TULP4: variants seen among roughly 807,000 people sequenced by gnomAD.
The protein encoded by TULP4 is tubby-related protein 4.
In TULP4, 16 loss-of-function variants were observed where a neutral mutation model predicts 129.0. The ratio of observed to expected loss-of-function variants is 0.12; its 90% CI spans 0.08 to 0.19. The LOEUF is 0.19. Ranked by LOEUF, TULP4 falls within the 10% of genes least tolerant of loss-of-function variation. The probability of loss-of-function intolerance (pLI) is 1.00; values close to 1 mark genes in which losing one functional copy is unlikely to be tolerated. For synonymous variants in TULP4, 998 were observed against 854.0 expected, an observed-to-expected ratio of 1.17 and a Z score of -2.94; for missense variants, 1,842 against 2,059.1, an observed-to-expected ratio of 0.89 and a Z score of 2.04.
upstream of TULP4, among the ~76,000 whole-genome samples, chr6:158,281,165 CTCAGCGAGGTA>C (rs1212336265): frequency 3.4e-3 from 519 of 151,754 alleles, 5 homozygotes; most frequent in African/African-American, 0.012. Flanking sequence ...TTACTGGTAT[CTCAGCGAGGTA>C]ATTCAGACTT....
chr6:158,294,926 T>C (rs916997971), intron 1 of TULP4, among the ~76,000 whole-genome samples: 2 of 152,118 alleles, frequency 1.3e-5, no homozygotes, highest in African/African-American at 4.8e-5. Context: ...TTTTGCTATG[T>C]TGCCCAGGTC....
intron 1 of TULP4, among the ~76,000 whole-genome samples, chr6:158,332,705 A>G (rs1411283184): frequency 6.6e-6 from 1 of 152,172 alleles, no homozygotes; most frequent in African/African-American, 2.4e-5. Context: ...GCTATTGGAT[A>G]GGCGGACTTT....
intron 1 of TULP4, among the ~76,000 whole-genome samples, chr6:158,349,276 T>C: frequency 8.2e-6 from 1 of 122,064 alleles, no homozygotes. Context: ...GCTCCTCACC[T>C]CCCAGATGGG....
intron 2 of TULP4, among the ~76,000 whole-genome samples, chr6:158,417,684 G>C (rs1345141461): frequency 6.6e-6 from 1 of 152,158 alleles, no homozygotes; most frequent in African/African-American, 2.4e-5. Context: ...GCTTAGAAGA[G>C]GAGTGTCCTT....
chr6:158,497,013 G>C (rs1000293768), intron 11 of TULP4, among the ~76,000 whole-genome samples: 1 of 152,170 alleles, frequency 6.6e-6, no homozygotes, highest in African/African-American at 2.4e-5. Context: ...ACCATGCCCA[G>C]CTAATTTTTT....
intron 11 of TULP4, among the ~76,000 whole-genome samples, chr6:158,497,560 C>T (rs1306189904): frequency 1.3e-5 from 2 of 152,182 alleles, no homozygotes; most frequent in African/African-American, 4.8e-5. Flanking sequence ...TTTCTAATCC[C>T]TCCTAGAATT....
rs147819544 is a variant in TULP4, at chr6:158,431,389, T to G, written c.543+1492T>G. On this transcript the variant is annotated intron_variant, in intron 3 of 13. Transcript: ENST00000367097. ...CTTCACATTCTTCCCTCGCCTAGAGTGATGGAACCCATGAGCCATCTGTGA... is the reference window on the plus strand; with the variant it reads ...CTTCACATTCTTCCCTCGCCTAGAGGGATGGAACCCATGAGCCATCTGTGA... Among the ~76,000 whole-genome samples the G allele has an allele frequency of 3.7e-3, 563 of 152,052 alleles. 3 individuals carry two copies. The highest frequency in any genetic ancestry group is 0.013 in the African/African-American group (533 of 41,458).
chr6:158,332,182 AAAAAAAAAAAAAAAAAAAATATATATAT>A (rs751788150), intron 1 of TULP4, among the ~76,000 whole-genome samples: 23,266 of 85,746 alleles, frequency 0.27, 2,392 homozygotes, highest in South Asian at 0.38. Flanking sequence ...AAAAAAAAAA[AAAAAAAAAAAAAAAAAAAATATATATAT>A]ATATATATAT....
intron 6 of TULP4, among the ~76,000 whole-genome samples, chr6:158,476,313 C>T (rs1779818988): frequency 6.6e-6 from 1 of 152,186 alleles, no homozygotes; most frequent in African/African-American, 2.4e-5. Flanking sequence ...TGTTGGTGTT[C>T]TTGTCCCATT....
chr6:158,449,241 T>C, intron 4 of TULP4, 65 bp downstream of exon 4: 1 of 1,496,898 alleles, frequency 6.7e-7, no homozygotes, highest in Middle Eastern at 1.8e-4. Flanking sequence ...CGGAGCAGAG[T>C]AGACTGATGT....
At chr6:158,340,594 C>T (rs1780157960) in intron 1 of TULP4, among the ~76,000 whole-genome samples, 2 of 152,150 alleles carry the variant, frequency 1.3e-5, no homozygotes, top group Admixed American at 6.5e-5. Flanking sequence ...TTCTGATGTC[C>T]TTCCCTAGCC....
intron 1 of TULP4, among the ~76,000 whole-genome samples, chr6:158,397,074 C>T (rs1437875927): frequency 6.6e-6 from 1 of 152,158 alleles, no homozygotes; most frequent in Non-Finnish European, 1.5e-5. Context: ...AAACAGACAA[C>T]CAGGTAGTGA....
At chr6:158,415,349 CTTTT>C (rs561619354) in intron 2 of TULP4, among the ~76,000 whole-genome samples, 5 of 130,576 alleles carry the variant, frequency 3.8e-5, no homozygotes, top group Middle Eastern at 4.1e-3. Context: ...GAGTGTGCTT[CTTTT>C]TTTTTTTTTT....
intron 8 of TULP4, among the ~76,000 whole-genome samples, chr6:158,484,825 C>T (rs1047410826): frequency 3.3e-5 from 5 of 152,258 alleles, no homozygotes; most frequent in African/African-American, 7.2e-5. Flanking sequence ...TGTGTGTGCA[C>T]GCACGCTTGT....
At chr6:158,343,454 C>T (rs1421353258) in intron 1 of TULP4, among the ~76,000 whole-genome samples, 2 of 152,160 alleles carry the variant, frequency 1.3e-5, no homozygotes, top group African/African-American at 4.8e-5. Context: ...ACCTTAACCT[C>T]CAAAGTCATA....
At chr6:158,356,867 T>C (rs1298541550) in intron 1 of TULP4, among the ~76,000 whole-genome samples, 2 of 151,314 alleles carry the variant, frequency 1.3e-5, no homozygotes, top group Non-Finnish European at 2.9e-5. Context: ...GGACTGACCA[T>C]GAGTGAGTAG....
At chr6:158,275,365 C>T (rs1406347335) in intron 1 of TULP4, among the ~76,000 whole-genome samples, 2 of 152,170 alleles carry the variant, frequency 1.3e-5, no homozygotes, top group Non-Finnish European at 2.9e-5. Context: ...CAGGGACATA[C>T]AGGGAGAGAA....
chr6:158,477,547 A>T (rs183157098), intron 6 of TULP4, among the ~76,000 whole-genome samples: 115 of 152,348 alleles, frequency 7.5e-4, no homozygotes, highest in Middle Eastern at 3.4e-3. Context: ...AGAAATGCAA[A>T]TCAAAACCAC....
chr6:158,494,904 T>G, intron 11 of TULP4, 58 bp downstream of exon 11: 1 of 1,478,122 alleles, frequency 6.8e-7, no homozygotes, highest in South Asian at 1.2e-5. Flanking sequence ...AAACGTCCAG[T>G]TTCCACCTTT....
Sources: allele counts gnomAD v4.1 joint callset (sites outside exome capture counted in the v4.1 genomes callset), GRCh38; gene constraint gnomAD v4.1.1; transcripts MANE v1.5; gene names NCBI Gene and HGNC (gene_info 2026-07-23, HGNC 2026-07-21).